ZNF804B: variants seen among roughly 807,000 people sequenced by gnomAD.
The protein encoded by ZNF804B is zinc finger protein 804B.
Under a neutral mutation model 101.4 loss-of-function variants are expected in ZNF804B, and 80 were observed. That is an observed-to-expected ratio of 0.79 (90% CI 0.66 to 0.95). The LOEUF is 0.95. Among genes scored for constraint, ZNF804B ranks in the 40% least tolerant of loss-of-function variants. The probability of loss-of-function intolerance (pLI) is 0.00; values close to 1 mark genes in which losing one functional copy is unlikely to be tolerated. For missense variants in ZNF804B, 1,673 were observed against 1,561.9 expected (o/e 1.07, Z -1.20); for synonymous variants, 622 against 558.8 (o/e 1.11, Z -1.59).
At chr7:88,890,809 C>T (rs1198226781) in intron 1 of ZNF804B, among the ~76,000 whole-genome samples, 1 of 151,886 alleles carries the variant, frequency 6.6e-6, no homozygotes, top group Non-Finnish European at 1.5e-5. Flanking sequence ...TTATAAATAA[C>T]ATTTGAGTTG....
intron 1 of ZNF804B, among the ~76,000 whole-genome samples, chr7:89,141,381 G>A (rs1206742212): frequency 1.3e-5 from 2 of 152,040 alleles, no homozygotes; most frequent in Admixed American, 6.6e-5. Flanking sequence ...CTTCTGTGAA[G>A]TATAATAAAG....
intron 2 of ZNF804B, among the ~76,000 whole-genome samples, chr7:89,296,191 T>A (rs1374459891): frequency 6.6e-6 from 1 of 151,970 alleles, no homozygotes; most frequent in South Asian, 2.1e-4. Flanking sequence ...ATAAATAAAA[T>A]AGGCTCTTCT....
chr7:89,219,325 A>G (rs1788945565), intron 2 of ZNF804B, among the ~76,000 whole-genome samples: 1 of 149,788 alleles, frequency 6.7e-6, no homozygotes, highest in Non-Finnish European at 1.5e-5. Context: ...TCAATAAAAG[A>G]TTACATTTTC....
At chr7:88,953,332 C>T (rs1235477446) in intron 1 of ZNF804B, among the ~76,000 whole-genome samples, 2 of 151,730 alleles carry the variant, frequency 1.3e-5, no homozygotes, top group Non-Finnish European at 2.9e-5. Flanking sequence ...ATGTCCATTT[C>T]CCTGCTCTAA....
chr7:89,003,664 A>T (rs1456167434), intron 1 of ZNF804B, among the ~76,000 whole-genome samples: 1 of 152,020 alleles, frequency 6.6e-6, no homozygotes, highest in Non-Finnish European at 1.5e-5. Context: ...TACTAAATGG[A>T]TGCCAGAATC....
At chr7:89,333,286 A>G in intron 3 of ZNF804B, 77 bp from the exon 4 acceptor site, 1 of 1,329,228 alleles carries the variant, frequency 7.5e-7, no homozygotes, top group South Asian at 1.7e-5. Context: ...CATCTTAGAA[A>G]CACTATGAAA....
intron 1 of ZNF804B, among the ~76,000 whole-genome samples, chr7:88,834,798 T>C (rs1386308326): frequency 1.3e-5 from 2 of 151,790 alleles, no homozygotes; most frequent in Middle Eastern, 3.2e-3. Flanking sequence ...TTCTTTATAC[T>C]TTGATACTTT....
At position 88,918,886 on chromosome 7, in the gene ZNF804B, A is replaced by G. The variant is rs532786361; in HGVS notation, c.108+158802A>G. On this transcript the variant is annotated intron_variant, in intron 1 of 3. Transcript: ENST00000333190. The stretch of plus-strand genomic sequence containing the variant: ...TAAATCCTCTGACTATATTTCTTAC[A>G]TACAGAGTGAGGAGCAATTGAAACA... 2.0e-5 allele frequency among the ~76,000 whole-genome samples: 3 copies of G among 152,214 alleles called. No homozygotes were observed. The South Asian group carries it at 6.2e-4, about 32-fold the overall frequency.
intron 1 of ZNF804B, among the ~76,000 whole-genome samples, chr7:88,772,370 T>C (rs1247788255): frequency 6.6e-6 from 1 of 152,162 alleles, no homozygotes; most frequent in Non-Finnish European, 1.5e-5. Flanking sequence ...TCACACTCTG[T>C]TTAAATCTCT....
chr7:88,926,676 T>C (rs1792805222), intron 1 of ZNF804B, among the ~76,000 whole-genome samples: 2 of 152,104 alleles, frequency 1.3e-5, no homozygotes, highest in East Asian at 1.9e-4. Flanking sequence ...CAAAGCCCCA[T>C]ATGGAAGTGG....
In ZNF804B at chr7:89,243,766, T is replaced by A. The variant is rs574178173; in HGVS notation, c.249+25471T>A. Among the ~76,000 whole-genome samples, 197 of 152,006 alleles carry A rather than the reference T, an allele frequency of 1.3e-3. 2 individuals are homozygous for A. The highest frequency in any genetic ancestry group is 3.6e-3 in the African/African-American group (150 of 41,520). On this transcript the variant is annotated intron_variant, in intron 2 of 3. Transcript: ENST00000333190. The stretch of plus-strand genomic sequence containing the variant: ...TATTTTGTTTTGTTTTGTTTTTTTT[T>A]ATTAACTTCAATTTCTTATCACTTT...
intron 1 of ZNF804B, among the ~76,000 whole-genome samples, chr7:89,073,153 T>C (rs1023239239): frequency 8.5e-5 from 13 of 152,216 alleles, no homozygotes; most frequent in Non-Finnish European, 1.9e-4. Context: ...AATAAATTAG[T>C]GAGCACTGGA....
chr7:88,854,527 T>TTTCCTTTCCTTTCCTTTCCTTCCC (rs1791519535), intron 1 of ZNF804B, among the ~76,000 whole-genome samples: 3 of 40,064 alleles, frequency 7.5e-5, no homozygotes, highest in South Asian at 1.1e-3. Context: ...CTTTCCTTCC[T>TTTCCTTTCCTTTCCTTTCCTTCCC]TTCCTTCCTT....
chr7:89,154,512 T>A (rs1790925231), intron 1 of ZNF804B, among the ~76,000 whole-genome samples: 1 of 152,106 alleles, frequency 6.6e-6, no homozygotes, highest in Admixed American at 6.6e-5. Context: ...TTACACACAA[T>A]GGAGTACTAT....
At chr7:89,283,804 T>G (rs895997453) in intron 2 of ZNF804B, among the ~76,000 whole-genome samples, 2 of 152,134 alleles carry the variant, frequency 1.3e-5, no homozygotes, top group African/African-American at 4.8e-5. Flanking sequence ...TAGCATAGAT[T>G]AGCATTGCAT....
At chr7:89,176,591 C>CTTTTTTTTTTTT (rs35866405) in intron 1 of ZNF804B, among the ~76,000 whole-genome samples, 194 of 71,894 alleles carry the variant, frequency 2.7e-3, no homozygotes, top group East Asian at 4.7e-3. Flanking sequence ...TTCTTTCTTT[C>CTTTTTTTTTTTT]TTTTTTTTTT....
chr7:89,155,664 C>A (rs911319042), intron 1 of ZNF804B, among the ~76,000 whole-genome samples: 3 of 152,138 alleles, frequency 2.0e-5, no homozygotes, highest in African/African-American at 7.2e-5. Flanking sequence ...CACTCTGTCC[C>A]GCCTTGCAGT....
intron 2 of ZNF804B, among the ~76,000 whole-genome samples, chr7:89,262,268 G>A (rs973266747): frequency 6.6e-6 from 1 of 152,054 alleles, no homozygotes; most frequent in Non-Finnish European, 1.5e-5. Flanking sequence ...CATGTCTTTC[G>A]TCAGTCATGG....
At chr7:89,135,555 T>C (rs1028560512) in intron 1 of ZNF804B, among the ~76,000 whole-genome samples, 1 of 152,096 alleles carries the variant, frequency 6.6e-6, no homozygotes, top group African/African-American at 2.4e-5. Flanking sequence ...CAAAGGTCTT[T>C]GTTAGGTTGT....
Sources: allele counts gnomAD v4.1 joint callset (sites outside exome capture counted in the v4.1 genomes callset), GRCh38; gene constraint gnomAD v4.1.1; transcripts MANE v1.5; gene names NCBI Gene and HGNC (gene_info 2026-07-23, HGNC 2026-07-21).